Variants in KIF16B observed in about 807,000 individuals in gnomAD.
KIF16B encodes kinesin family member 16B, also known as kinesin-like protein KIF16B.
A neutral mutation model predicts 156.3 loss-of-function variants in KIF16B; 98 were observed. That is an observed-to-expected ratio of 0.63 (90% CI 0.53 to 0.74). KIF16B has a LOEUF of 0.74. KIF16B is among the 30% of genes least tolerant of loss of function. The pLI, the probability that KIF16B is intolerant of heterozygous loss-of-function variation, is 0.00. For synonymous variants in KIF16B, 564 were observed against 583.7 expected (o/e 0.97, Z 0.49); for missense variants, 1,421 against 1,606.5 (o/e 0.88, Z 1.97).
chr20:16,540,484 G>A (rs555018569), intron 1 of KIF16B, among the ~76,000 whole-genome samples: 1 of 152,108 alleles, frequency 6.6e-6, no homozygotes, highest in Non-Finnish European at 1.5e-5. Flanking sequence ...ACATCCTTAC[G>A]TGGCATGAAA....
intron 25 of KIF16B, among the ~76,000 whole-genome samples, chr20:16,286,607 A>T (rs1328244622): frequency 6.6e-6 from 1 of 152,172 alleles, no homozygotes; most frequent in African/African-American, 2.4e-5. Flanking sequence ...GAATCATATC[A>T]CAATTGAGAT....
At chr20:16,324,989 G>A (rs905615742) in intron 24 of KIF16B, among the ~76,000 whole-genome samples, 3 of 152,060 alleles carry the variant, frequency 2.0e-5, no homozygotes, top group African/African-American at 7.2e-5. Flanking sequence ...ATGCAGAGAA[G>A]GTTTAACATA....
chr20:16,437,060 T>C (rs75203895), intron 12 of KIF16B, among the ~76,000 whole-genome samples: 19,110 of 152,182 alleles, frequency 0.13, 1,334 homozygotes, highest in Non-Finnish European at 0.17. Flanking sequence ...TAAATCATCT[T>C]TAGATTACTT....
At chr20:16,572,318 C>A (rs753690525) in intron 1 of KIF16B, among the ~76,000 whole-genome samples, 11 of 152,310 alleles carry the variant, frequency 7.2e-5, no homozygotes, top group Non-Finnish European at 1.5e-4. Context: ...CAAACATTAA[C>A]CTCCACAAGT....
chr20:16,440,902 T>A (rs1383735604), intron 12 of KIF16B, among the ~76,000 whole-genome samples: 5 of 151,834 alleles, frequency 3.3e-5, no homozygotes, highest in Admixed American at 1.3e-4. Context: ...TCCTCTCCGC[T>A]GGCTGAGCAA....
intron 25 of KIF16B, among the ~76,000 whole-genome samples, chr20:16,275,351 C>A (rs1812490): frequency 0.02 from 2,995 of 152,262 alleles, 97 homozygotes; most frequent in African/African-American, 0.067. Flanking sequence ...CCACTGCGCC[C>A]GGCCAGATAA....
At chr20:16,422,954 T>TA (rs1476606916) in intron 15 of KIF16B, among the ~76,000 whole-genome samples, 2 of 151,836 alleles carry the variant, frequency 1.3e-5, no homozygotes, top group Non-Finnish European at 2.9e-5. Context: ...CCAATGAAAA[T>TA]AGAGATTAAA....
Position 16,513,046 on chromosome 20 carries a change from C to G in KIF16B, c.349-123G>C, listed in dbSNP as rs1330393692. The G allele has an allele frequency of 4.5e-6, 3 of 661,014 alleles. No individual in the cohort carries two copies. The African/African-American group carries it at 5.4e-5, about 12-fold the overall frequency. The allele number at this position is 661,014 out of a possible 1,614,324, so 40.9% of individuals were successfully genotyped here. A position where few individuals can be genotyped will look rare whatever the true frequency, so the allele number is the denominator to read the frequency against. On this transcript the variant is annotated intron_variant, in intron 4 of 25. Transcript: ENST00000354981. ...CTGTATGCCAACCCCTGGCCTACCACAGCCCACGCCATATACCCCCTCCAG... is the reference window on the plus strand; with the variant it reads ...CTGTATGCCAACCCCTGGCCTACCAGAGCCCACGCCATATACCCCCTCCAG...
intron 8 of KIF16B, 76 bp from the exon 9 acceptor site, chr20:16,505,929 C>T (rs1018577326): frequency 4.4e-6 from 7 of 1,603,500 alleles, no homozygotes; most frequent in Non-Finnish European, 6.0e-6. Context: ...CTTCATAAAA[C>T]CTTGAAGAAA....
chr20:16,393,242 T>G (rs1277264484), intron 17 of KIF16B, among the ~76,000 whole-genome samples: 1 of 152,212 alleles, frequency 6.6e-6, no homozygotes, highest in South Asian at 2.1e-4. Flanking sequence ...TGAATACTTG[T>G]GATTACTTTA....
intron 12 of KIF16B, among the ~76,000 whole-genome samples, chr20:16,440,898 C>T (rs182067901): frequency 2.6e-5 from 4 of 151,702 alleles, no homozygotes; most frequent in Admixed American, 2.6e-4. Context: ...ACAGTCCTCT[C>T]CGCTGGCTGA....
chr20:16,543,833 C>G (rs1052463300), intron 1 of KIF16B, among the ~76,000 whole-genome samples: 4 of 152,126 alleles, frequency 2.6e-5, no homozygotes, highest in African/African-American at 9.7e-5. Context: ...TAAAGAAATG[C>G]AGGTCCAGAA....
chr20:16,356,340 A>G lies in KIF16B; in HGVS notation c.3611T>C (p.Phe1204Ser). The G allele has an allele frequency of 1.2e-6, 2 of 1,612,454 alleles. No individual in the cohort carries two copies. The highest frequency in any genetic ancestry group is 2.2e-5 in the East Asian group (1 of 44,856). Residue 1204 changes from phenylalanine (F) to serine (S), a missense_variant, in exon 23 of 26, where the codon TTT (phenylalanine) becomes TCT (serine). Transcript: ENST00000354981. ...CAAGAAGACACTCACCTTGACCTCAAACTCGAAGTGTGCATCCTTTCCTTG... is the reference window on the plus strand; with the variant it reads ...CAAGAAGACACTCACCTTGACCTCAGACTCGAAGTGTGCATCCTTTCCTTG... Reference protein sequence around the residue: ...CGQGKDAHFEFEVKITVLDET... With the variant: ...CGQGKDAHFESEVKITVLDET...
intron 17 of KIF16B, among the ~76,000 whole-genome samples, chr20:16,396,897 CT>C (rs1448583257): frequency 4.5e-5 from 5 of 111,996 alleles, no homozygotes; most frequent in African/African-American, 1.7e-4. Context: ...AGGTTTAATC[CT>C]GATTTTTGAT....
intron 25 of KIF16B, among the ~76,000 whole-genome samples, chr20:16,285,491 T>G (rs2063210141): frequency 6.6e-6 from 1 of 152,230 alleles, no homozygotes; most frequent in African/African-American, 2.4e-5. Context: ...TATCTTTCTA[T>G]GGCATTTTAA....
At chr20:16,384,961 C>T (rs1351930902) in intron 17 of KIF16B, among the ~76,000 whole-genome samples, 1 of 152,110 alleles carries the variant, frequency 6.6e-6, no homozygotes, top group Non-Finnish European at 1.5e-5. Context: ...CTTTGGGAGG[C>T]TGAGGCAGGC....
At chr20:16,380,270 A>G (rs913863810) in intron 18 of KIF16B, 107 bp from the exon 19 acceptor site, 3 of 991,426 alleles carry the variant, frequency 3.0e-6, no homozygotes, top group African/African-American at 3.3e-5. Context: ...CAAAGCCTCC[A>G]TTAAAATAAA....
intron 25 of KIF16B, among the ~76,000 whole-genome samples, chr20:16,281,434 T>G (rs570469244): frequency 6.6e-6 from 1 of 152,144 alleles, no homozygotes; most frequent in Non-Finnish European, 1.5e-5. Flanking sequence ...TCAGGGATGT[T>G]TCTAGACCTG....
chr20:16,394,446 C>T (rs1446439494), intron 17 of KIF16B, among the ~76,000 whole-genome samples: 2 of 152,288 alleles, frequency 1.3e-5, no homozygotes, highest in East Asian at 3.9e-4. Context: ...ACATGTTCCC[C>T]AAGATTGTGT....
Sources: allele counts gnomAD v4.1 joint callset (sites outside exome capture counted in the v4.1 genomes callset), GRCh38; gene constraint gnomAD v4.1.1; transcripts MANE v1.5; gene names NCBI Gene and HGNC (gene_info 2026-07-23, HGNC 2026-07-21).